The following PRR5 variants were observed in gnomAD, a reference collection of about 807,000 sequenced individuals.
The protein encoded by PRR5 is proline rich 5, also known as proline-rich protein 5.
In PRR5, 25 loss-of-function variants were observed where a neutral mutation model predicts 30.6. That is an observed-to-expected ratio of 0.82 (90% confidence interval 0.60 to 1.14). The LOEUF is 1.14. Among genes scored for constraint, PRR5 ranks in the 50% most tolerant of loss-of-function variants. The probability of loss-of-function intolerance (pLI) is 0.00; values close to 1 mark genes in which losing one functional copy is unlikely to be tolerated. For missense variants in PRR5, 600 were observed against 547.1 expected (o/e 1.10, Z -0.96); for synonymous variants, 286 against 247.1 (o/e 1.16, Z -1.48).
intron 1 of PRR5, among the ~76,000 whole-genome samples, chr22:44,711,981 T>C (rs1048366188): frequency 6.6e-6 from 1 of 152,084 alleles, no homozygotes; most frequent in African/African-American, 2.4e-5. Flanking sequence ...TCAACTTTTT[T>C]TAGTCTGAAA....
intron 1 of PRR5, among the ~76,000 whole-genome samples, chr22:44,706,843 AGG>A (rs1313914911): frequency 7.1e-6 from 1 of 141,372 alleles, no homozygotes; most frequent in Non-Finnish European, 1.6e-5. Context: ...AATGTTTGTA[AGG>A]GAGCTATGGA....
intron 1 of PRR5, chr22:44,679,638 C>T (rs906031208): frequency 1.6e-5 from 9 of 575,738 alleles, no homozygotes; most frequent in East Asian, 3.1e-5. Flanking sequence ...ACCCAGGAGG[C>T]GCGGTTGCAG....
chr22:44,730,036 A>T (rs1194483380), intron 4 of PRR5: 35 of 985,274 alleles, frequency 3.6e-5, no homozygotes, highest in Non-Finnish European at 3.9e-5. Flanking sequence ...GGGTGGGCAG[A>T]GGGCTGGCCA....
chr22:44,729,042 C>A (rs768557469), intron 4 of PRR5, among the ~76,000 whole-genome samples: 1 of 152,194 alleles, frequency 6.6e-6, no homozygotes, highest in Non-Finnish European at 1.5e-5. Flanking sequence ...TCCTTGGAAG[C>A]CAGAAACTTG....
intron 4 of PRR5, chr22:44,730,357 C>T: frequency 1.0e-6 from 1 of 984,896 alleles, no homozygotes. Context: ...CAGGGGACAG[C>T]AGAGGCCTTG....
chr22:44,677,572 G>T (rs986407834), intron 1 of PRR5, among the ~76,000 whole-genome samples: 7 of 152,252 alleles, frequency 4.6e-5, no homozygotes, highest in African/African-American at 1.4e-4. Context: ...AGGGGGTTCA[G>T]ATTCTTTTGT....
intron 4 of PRR5, among the ~76,000 whole-genome samples, chr22:44,728,856 C>T (rs190291418): frequency 1.3e-5 from 2 of 152,318 alleles, no homozygotes; most frequent in African/African-American, 4.8e-5. Flanking sequence ...CCAGGGAGGC[C>T]TTGGACTTCA....
In PRR5 at chr22:44,732,293, C is replaced by T. The variant is rs754322699; in HGVS notation, c.457C>T (p.Arg153Trp). 8.7e-6 allele frequency: 14 copies of T among 1,612,296 alleles called. No homozygotes were observed. The highest frequency in any genetic ancestry group is 2.2e-5 in the South Asian group (2 of 91,046). The change falls in exon 6 of 8, where the codon CGG becomes TGG. Residue 153 changes from arginine to tryptophan, a missense_variant. Coordinates refer to ENST00000336985, the MANE Select transcript of PRR5 (RefSeq NM_181333.4). ...SVRQLALLHF[R>W]NAITLSVKLE... ...GCGCCAGCTGGCCCTGCTGCACTTCCGGAATGCCATCACCCTCAGTGTGAA... is the reference window on the plus strand; with the variant it reads ...GCGCCAGCTGGCCCTGCTGCACTTCTGGAATGCCATCACCCTCAGTGTGAA...
chr22:44,702,486 C>A lies in PRR5; in HGVS notation c.12C>A (p.Leu4=). Residue 4 remains leucine (L), a synonymous_variant, in exon 1 of 8, where the codon CTC becomes CTA. Transcript: ENST00000336985. The part of the protein sequence containing the change: MRT[L]RRLKFMSSPS... ...CGGCCCGGGTCACCATGAGGACTCT[C>A]CGCAGGTTGAAGTTCATGAGTTCGC... The A allele has an allele frequency of 1.4e-6, 2 of 1,462,014 alleles. No homozygotes were observed. The highest frequency in any genetic ancestry group is 2.2e-4 in the Middle Eastern group (1 of 4,500). The allele number at this position is 1,462,014 out of a possible 1,614,324, so 90.6% of individuals were successfully genotyped here. A position where few individuals can be genotyped will look rare whatever the true frequency, so the allele number is the denominator to read the frequency against.
chr22:44,711,792 T>C (rs1928280056), intron 1 of PRR5, among the ~76,000 whole-genome samples: 1 of 152,102 alleles, frequency 6.6e-6, no homozygotes, highest in Non-Finnish European at 1.5e-5. Context: ...CCACTCGCCA[T>C]ATCCCAGAGG....
chr22:44,735,097 C>T lies in PRR5; in HGVS notation c.626C>T (p.Ser209Leu), dbSNP rs1922965118. 7.4e-6 allele frequency: 12 copies of T among 1,612,214 alleles called. No individual in the cohort carries two copies. Among genetic ancestry groups the T allele is most frequent in the South Asian group, 4.4e-5 (4 of 91,066 alleles). Residue 209 changes from serine to leucine, a missense_variant, in exon 7 of 8, where the codon TCG (serine) becomes TTG (leucine). By Grantham distance (145) the Ser-to-Leu change is moderately radical. Transcript: ENST00000336985. ...GAGACGCTGGTCCAGAAGGTGGTGT[C>T]GCCATACCTGGGCACCTACGGCCTC... is the stretch of plus-strand genomic sequence containing the variant. ...RLETLVQKVV[S>L]PYLGTYGLHS...
At chr22:44,722,660 G>T (rs1240541360) in intron 2 of PRR5, among the ~76,000 whole-genome samples, 8 of 152,196 alleles carry the variant, frequency 5.3e-5, no homozygotes, top group Non-Finnish European at 1.5e-5. Flanking sequence ...AGATCATGCA[G>T]TCACTGTGTT....
At chr22:44,680,155 A>C (rs1267819439) in intron 1 of PRR5, among the ~76,000 whole-genome samples, 1 of 152,162 alleles carries the variant, frequency 6.6e-6, no homozygotes, top group African/African-American at 2.4e-5. Flanking sequence ...GGGCACAGAT[A>C]CTGATGTGGC....
At chr22:44,721,681 A>G (rs1285443144) in intron 2 of PRR5, among the ~76,000 whole-genome samples, 1 of 152,186 alleles carries the variant, frequency 6.6e-6, no homozygotes, top group East Asian at 1.9e-4. Flanking sequence ...CCCTGCCTCC[A>G]GACCCTACTC....
At chr22:44,675,809 A>G (rs1304393524), upstream of PRR5, among the ~76,000 whole-genome samples, 1 of 128,392 alleles carries the variant, frequency 7.8e-6, no homozygotes, top group Non-Finnish European at 1.7e-5. Context: ...CTTAGGTCAC[A>G]TATCCTAATT....
chr22:44,689,297 A>T (rs117469884), intron 1 of PRR5, among the ~76,000 whole-genome samples: 3,148 of 152,198 alleles, frequency 0.021, 47 homozygotes, highest in East Asian at 0.039. Flanking sequence ...AGTTCCGAGG[A>T]ATCCAGCTTA....
chr22:44,692,469 C>T (rs1273665698), intron 1 of PRR5, among the ~76,000 whole-genome samples: 1 of 132,724 alleles, frequency 7.5e-6, no homozygotes, highest in Non-Finnish European at 1.7e-5. Flanking sequence ...GGAAATTCTT[C>T]CTCCCGGGGG....
chr22:44,730,937 T>C (rs1212042341), intron 4 of PRR5: 1 of 455,374 alleles, frequency 2.2e-6, no homozygotes, highest in Non-Finnish European at 4.5e-6. Context: ...TTCCCTGTCA[T>C]GTGATGGATG....
chr22:44,712,493 G>C (rs1928406104), intron 1 of PRR5, among the ~76,000 whole-genome samples: 1 of 152,338 alleles, frequency 6.6e-6, no homozygotes, highest in Non-Finnish European at 1.5e-5. Context: ...CCGGCTCCGT[G>C]TGGGGACGCT....
Sources: gnomAD v4.1 joint callset for allele counts (sites outside exome capture counted in the v4.1 genomes callset) on GRCh38, gnomAD v4.1.1 for gene constraint, MANE v1.5 for transcripts, NCBI Gene and HGNC (gene_info 2026-07-23, HGNC 2026-07-21) for gene names.